GNG2: variants seen among roughly 807,000 people sequenced by gnomAD.
The protein encoded by GNG2 is guanine nucleotide-binding protein G(I)/G(S)/G(O) subunit gamma-2.
A neutral mutation model predicts 5.5 loss-of-function variants in GNG2; 5 were observed. The observed-to-expected ratio is 0.91, with a 90% confidence interval of 0.48 to 1.92. The LOEUF (loss-of-function observed/expected upper bound fraction) is 1.92. GNG2 is among the 30% of genes most tolerant of loss of function. The pLI is 0.01. For missense variants in GNG2, 55 were observed against 88.4 expected (o/e 0.62, Z 1.52); for synonymous variants, 28 against 32.0 (o/e 0.88, Z 0.42).
chr14:51,889,109 C>CTTTTTT (rs1173479215), intron 2 of GNG2, among the ~76,000 whole-genome samples: 3 of 118,938 alleles, frequency 2.5e-5, no homozygotes, highest in Non-Finnish European at 5.3e-5. Context: ...TGGGTTTGCG[C>CTTTTTT]TTTTTTTTTT....
intron 2 of GNG2, among the ~76,000 whole-genome samples, chr14:51,939,263 C>A (rs938169647): frequency 5.9e-5 from 9 of 152,186 alleles, no homozygotes; most frequent in Non-Finnish European, 1.3e-4. Flanking sequence ...GCTTACATGT[C>A]ATTTTAAAGT....
chr14:51,881,705 T>C (rs1331355673), intron 2 of GNG2, among the ~76,000 whole-genome samples: 1 of 148,104 alleles, frequency 6.8e-6, no homozygotes, highest in Non-Finnish European at 1.5e-5. Flanking sequence ...GGAAGACTTT[T>C]TTTTTTTTTT....
At chr14:51,882,223 T>C (rs892188989) in intron 2 of GNG2, among the ~76,000 whole-genome samples, 13 of 152,214 alleles carry the variant, frequency 8.5e-5, no homozygotes, top group Non-Finnish European at 1.8e-4. Context: ...ATGTACTAAA[T>C]ACCATTGAAT....
At chr14:51,888,699 C>T (rs1191326901) in intron 2 of GNG2, among the ~76,000 whole-genome samples, 3 of 152,122 alleles carry the variant, frequency 2.0e-5, no homozygotes, top group African/African-American at 7.2e-5. Context: ...GTGCAGTTTA[C>T]AAGAATTGGG....
At chr14:51,885,866 A>G (rs556044157) in intron 2 of GNG2, among the ~76,000 whole-genome samples, 32 of 152,296 alleles carry the variant, frequency 2.1e-4, no homozygotes, top group African/African-American at 7.2e-4. Flanking sequence ...TCTTTTCCTT[A>G]ATGGACTTAT....
intron 2 of GNG2, among the ~76,000 whole-genome samples, chr14:51,878,391 A>G (rs1039696170): frequency 6.6e-6 from 1 of 152,162 alleles, no homozygotes; most frequent in Non-Finnish European, 1.5e-5. Context: ...CCCAATTTCA[A>G]TGGTTGTCAA....
At chr14:51,828,037 C>T (rs1247092243) in intron 2 of GNG2, among the ~76,000 whole-genome samples, 1 of 152,126 alleles carries the variant, frequency 6.6e-6, no homozygotes, top group Non-Finnish European at 1.5e-5. Flanking sequence ...GGGGCAGTGG[C>T]CATGGATTCT....
intron 2 of GNG2, among the ~76,000 whole-genome samples, chr14:51,851,770 C>G (rs1028479833): frequency 3.9e-5 from 6 of 152,200 alleles, no homozygotes; most frequent in African/African-American, 1.4e-4. Context: ...TATCTTTTCT[C>G]TAGTGGTGCC....
chr14:51,947,997 C>T (rs1888738483), intron 2 of GNG2, among the ~76,000 whole-genome samples: 1 of 152,214 alleles, frequency 6.6e-6, no homozygotes, highest in African/African-American at 2.4e-5. Flanking sequence ...CAGATCCTTC[C>T]TGTTCACCCT....
chr14:51,943,197 G>A (rs1888448181), intron 2 of GNG2, among the ~76,000 whole-genome samples: 1 of 152,264 alleles, frequency 6.6e-6, no homozygotes, highest in African/African-American at 2.4e-5. Context: ...AGGCCGATGG[G>A]GTGAGGGGGA....
At chr14:51,899,580 A>C (rs146376487) in intron 2 of GNG2, among the ~76,000 whole-genome samples, 1 of 152,300 alleles carries the variant, frequency 6.6e-6, no homozygotes, top group East Asian at 1.9e-4. Context: ...GGCAACACTG[A>C]AAATCCAACA....
At chr14:51,868,426 G>A (rs769190108) in intron 1 of GNG2, among the ~76,000 whole-genome samples, 17 of 152,172 alleles carry the variant, frequency 1.1e-4, no homozygotes, top group Non-Finnish European at 2.1e-4. Flanking sequence ...AAAAGAAAAT[G>A]TCAAGTAGTA....
intron 2 of GNG2, among the ~76,000 whole-genome samples, chr14:51,944,502 T>C (rs2140272514): frequency 1.3e-5 from 2 of 152,298 alleles, no homozygotes; most frequent in Middle Eastern, 6.8e-3. Context: ...GGTTAAGCTT[T>C]CACATGTGAA....
chr14:51,868,395 T>C (rs373958841), intron 1 of GNG2, among the ~76,000 whole-genome samples: 21 of 152,254 alleles, frequency 1.4e-4, no homozygotes, highest in African/African-American at 4.6e-4. Flanking sequence ...ATTGGAACCA[T>C]TGACAGAAAT....
At chr14:51,912,225 T>C (rs961226778) in intron 2 of GNG2, among the ~76,000 whole-genome samples, 5 of 152,172 alleles carry the variant, frequency 3.3e-5, no homozygotes. Context: ...CTTTCATTAT[T>C]CTTGGGAGAT....
intron 2 of GNG2, among the ~76,000 whole-genome samples, chr14:51,853,626 GA>G: frequency 6.6e-6 from 1 of 152,314 alleles, no homozygotes; most frequent in South Asian, 2.1e-4. Flanking sequence ...TTTTGGCACA[GA>G]AAAACTAAGT....
intron 3 of GNG2, among the ~76,000 whole-genome samples, chr14:51,955,900 T>C (rs979387889): frequency 3.9e-5 from 6 of 152,216 alleles, no homozygotes; most frequent in African/African-American, 1.4e-4. Flanking sequence ...GATTAAGTCA[T>C]CTTTATGATG....
At chr14:51,875,803 A>G (rs1034590936) in intron 1 of GNG2, among the ~76,000 whole-genome samples, 4 of 151,182 alleles carry the variant, frequency 2.6e-5, no homozygotes, top group African/African-American at 9.7e-5. Context: ...TTAAATGACA[A>G]TGCATTTTAC....
intron 2 of GNG2, among the ~76,000 whole-genome samples, chr14:51,848,353 G>A (rs548527776): frequency 1.3e-5 from 2 of 152,122 alleles, no homozygotes; most frequent in African/African-American, 4.8e-5. Context: ...CCCACCCCGT[G>A]GCTGTACATC....
Sources: allele counts gnomAD v4.1 joint callset (sites outside exome capture counted in the v4.1 genomes callset), GRCh38; gene constraint gnomAD v4.1.1; transcripts MANE v1.5; gene names NCBI Gene and HGNC (gene_info 2026-07-23, HGNC 2026-07-21).